The following ASTN2 variants were observed in gnomAD, a reference collection of about 807,000 sequenced individuals.
The protein encoded by ASTN2 is astrotactin-2.
Under a neutral mutation model 139.8 loss-of-function variants are expected in ASTN2, and 54 were observed. The ratio of observed to expected loss-of-function variants is 0.39; its 90% CI spans 0.31 to 0.48. ASTN2 has a LOEUF of 0.48. Among genes scored for constraint, ASTN2 ranks in the 20% least tolerant of loss-of-function variants. The pLI, the probability that ASTN2 is intolerant of heterozygous loss-of-function variation, is 0.95. For synonymous variants in ASTN2, 756 were observed against 719.5 expected (o/e 1.05, Z -0.81); for missense variants, 1,565 against 1,725.1 (o/e 0.91, Z 1.64).
intron 16 of ASTN2, chr9:116,687,231 A>G: frequency 1.0e-6 from 1 of 1,002,334 alleles, no homozygotes; most frequent in Non-Finnish European, 1.2e-6. Flanking sequence ...GCTGCACGAC[A>G]AGCCCCAGCA....
chr9:117,369,212 G>T (rs1168435646), intron 1 of ASTN2, among the ~76,000 whole-genome samples: 1 of 152,006 alleles, frequency 6.6e-6, no homozygotes, highest in African/African-American at 2.4e-5. Context: ...GATCCTGATT[G>T]CTCTTGGAAC....
chr9:116,927,804 A>G (rs1256065479), intron 10 of ASTN2, among the ~76,000 whole-genome samples: 2 of 152,172 alleles, frequency 1.3e-5, no homozygotes, highest in East Asian at 3.8e-4. Context: ...TCATGCTCAC[A>G]TAAGTGTTCT....
At chr9:117,322,050 T>C (rs1828339448) in intron 1 of ASTN2, among the ~76,000 whole-genome samples, 1 of 152,148 alleles carries the variant, frequency 6.6e-6, no homozygotes, top group African/African-American at 2.4e-5. Context: ...TTCTGGTCCC[T>C]CTGTTTGGAA....
rs201836175 is a variant in ASTN2, at chr9:116,623,058, A to AT, written c.3073-2616dup. Among the ~76,000 whole-genome samples, 1,238 of 152,280 alleles carry AT rather than the reference A, an allele frequency of 8.1e-3. 16 individuals carry two copies. Among genetic ancestry groups the AT allele is most frequent in the African/African-American group, 0.027 (1,123 of 41,530 alleles). ...AGCCAACACTGAAGGCTTAATTAAC[A>AT]TAACGGTGAAACCCAGGGCCATGGG... On this transcript the variant is annotated intron_variant, in intron 17 of 22. Transcript: ENST00000313400.
intron 1 of ASTN2, among the ~76,000 whole-genome samples, chr9:117,393,830 G>A (rs1335703680): frequency 6.6e-6 from 1 of 152,066 alleles, no homozygotes; most frequent in African/African-American, 2.4e-5. Context: ...GGTAGAATGG[G>A]CAGGCTCTGG....
intron 19 of ASTN2, among the ~76,000 whole-genome samples, chr9:116,577,828 G>A (rs1366924074): frequency 6.6e-6 from 1 of 152,110 alleles, no homozygotes; most frequent in African/African-American, 2.4e-5. Flanking sequence ...ATAATTAGGG[G>A]GCTTGTAGGT....
At chr9:116,504,061 T>C (rs1001504632) in intron 19 of ASTN2, among the ~76,000 whole-genome samples, 2 of 152,152 alleles carry the variant, frequency 1.3e-5, no homozygotes, top group Non-Finnish European at 2.9e-5. Context: ...CAGGGCTTCA[T>C]TGTACAGACA....
chr9:116,493,100 C>G (rs896488286), intron 19 of ASTN2, among the ~76,000 whole-genome samples: 2 of 152,104 alleles, frequency 1.3e-5, no homozygotes, highest in African/African-American at 4.8e-5. Flanking sequence ...GATAGAAATA[C>G]AGAGGCTTGG....
chr9:116,559,920 C>T (rs1852821249), intron 19 of ASTN2, among the ~76,000 whole-genome samples: 1 of 152,192 alleles, frequency 6.6e-6, no homozygotes, highest in Admixed American at 6.5e-5. Flanking sequence ...CTCTTCACAA[C>T]ACTCTAAAAG....
chr9:116,456,853 C>A (rs188077780), intron 20 of ASTN2, among the ~76,000 whole-genome samples: 5 of 152,112 alleles, frequency 3.3e-5, no homozygotes, highest in Admixed American at 2.0e-4. Flanking sequence ...AAAACAAATC[C>A]TAAAATTCCT....
chr9:117,081,076 C>T (rs1828415658), intron 5 of ASTN2, among the ~76,000 whole-genome samples: 1 of 152,114 alleles, frequency 6.6e-6, no homozygotes, highest in Non-Finnish European at 1.5e-5. Flanking sequence ...GGCAAATTTG[C>T]CCAATGGGAG....
intron 2 of ASTN2, among the ~76,000 whole-genome samples, chr9:117,257,536 G>A (rs1204665005): frequency 2.0e-5 from 3 of 152,228 alleles, no homozygotes; most frequent in Non-Finnish European, 4.4e-5. Flanking sequence ...CAGGGCTGCT[G>A]TAGAAGAAAT....
At chr9:116,921,904 T>A (rs1834623520) in intron 10 of ASTN2, among the ~76,000 whole-genome samples, 1 of 152,136 alleles carries the variant, frequency 6.6e-6, no homozygotes, top group African/African-American at 2.4e-5. Flanking sequence ...GGAATTAAAA[T>A]TCAAGATGAG....
At chr9:117,063,420 T>A (rs1839351381) in intron 5 of ASTN2, among the ~76,000 whole-genome samples, 1 of 152,120 alleles carries the variant, frequency 6.6e-6, no homozygotes, top group Non-Finnish European at 1.5e-5. Context: ...AGTGAATAAA[T>A]CTCATGAGAT....
At chr9:117,194,657 T>C (rs1831442785) in intron 3 of ASTN2, among the ~76,000 whole-genome samples, 1 of 152,236 alleles carries the variant, frequency 6.6e-6, no homozygotes, top group Admixed American at 6.5e-5. Context: ...CTAATGTCTT[T>C]CCTCTCCTGC....
intron 1 of ASTN2, among the ~76,000 whole-genome samples, chr9:117,403,097 C>A (rs1031057120): frequency 4.6e-5 from 7 of 152,134 alleles, no homozygotes; most frequent in African/African-American, 1.7e-4. Flanking sequence ...AGGTAAAGGC[C>A]AGGGTGTCAA....
At chr9:116,943,919 G>A (rs538230570) in intron 10 of ASTN2, among the ~76,000 whole-genome samples, 1 of 152,214 alleles carries the variant, frequency 6.6e-6, no homozygotes, top group East Asian at 1.9e-4. Flanking sequence ...TAAAAATATA[G>A]AGATGAAGAA....
At position 116,699,459 on chromosome 9, in the gene ASTN2, G is replaced by T; in HGVS notation, c.2806+26312C>A. 6.2e-7 allele frequency: 1 copy of T among 1,614,242 alleles called. No individual in the cohort carries two copies. Among genetic ancestry groups the T allele is most frequent in the Non-Finnish European group, 8.5e-7 (1 of 1,180,044 alleles). On this transcript the variant is annotated intron_variant, in intron 16 of 22. Transcript: ENST00000313400. The surrounding 1 kb of genome is among the most constrained non-coding windows in gnomAD (Gnocchi z 4.2). ...GATTAGCCACTTCTTCTCGGAGAAT[G>T]AGGATTTCCGCTGCATTGCTGGCAT...
intron 10 of ASTN2, among the ~76,000 whole-genome samples, chr9:116,896,624 TG>T (rs1395756076): frequency 1.3e-5 from 2 of 152,284 alleles, no homozygotes; most frequent in Non-Finnish European, 2.9e-5. Context: ...CCTCCTAGAC[TG>T]GGTAATTTAT....
Sources: allele counts gnomAD v4.1 joint callset (sites outside exome capture counted in the v4.1 genomes callset), GRCh38; gene constraint gnomAD v4.1.1; non-coding constraint Gnocchi (gnomAD v3.1); transcripts MANE v1.5; gene names NCBI Gene and HGNC (gene_info 2026-07-23, HGNC 2026-07-21).